Variants in TRPM3 observed in about 807,000 individuals in gnomAD.
TRPM3 encodes the protein long transient receptor potential channel 3.
TRPM3 carries 77 observed loss-of-function variants against 181.2 expected under a neutral mutation model. The observed-to-expected ratio is 0.42, with a 90% confidence interval of 0.35 to 0.51. The LOEUF (loss-of-function observed/expected upper bound fraction) is 0.51, where lower values mean the gene tolerates loss of function less well. TRPM3 is among the 20% of genes least tolerant of loss of function. TRPM3 has a pLI of 0.01. For missense variants in TRPM3, 1,759 were observed against 2,196.7 expected, an observed-to-expected ratio of 0.80 and a Z score of 3.98; for synonymous variants, 745 against 796.4, an observed-to-expected ratio of 0.94 and a Z score of 1.09.
intron 1 of TRPM3, among the ~76,000 whole-genome samples, chr9:70,961,059 G>A (rs1373259680): frequency 6.6e-6 from 1 of 152,196 alleles, no homozygotes; most frequent in African/African-American, 2.4e-5. Flanking sequence ...CAGCTGTGAT[G>A]AAGTTAATTA....
At chr9:71,359,840 T>C (rs2092068390) in intron 1 of TRPM3, among the ~76,000 whole-genome samples, 1 of 152,154 alleles carries the variant, frequency 6.6e-6, no homozygotes, top group Non-Finnish European at 1.5e-5. Context: ...AAAATGCGAA[T>C]AATGAGAGTA....
intron 6 of TRPM3, among the ~76,000 whole-genome samples, chr9:70,798,560 G>A (rs546389550): frequency 6.6e-6 from 1 of 152,268 alleles, no homozygotes; most frequent in South Asian, 2.1e-4. Flanking sequence ...CCACTTAACT[G>A]TAAGTAAGCT....
chr9:71,179,354 A>T (rs2077272011), intron 1 of TRPM3, among the ~76,000 whole-genome samples: 1 of 152,148 alleles, frequency 6.6e-6, no homozygotes, highest in Non-Finnish European at 1.5e-5. Context: ...TGAACAGTCA[A>T]CAAGCAGTCA....
At position 70,598,511 on chromosome 9, in the gene TRPM3, A is replaced by G; in HGVS notation, c.2956T>C (p.Cys986Arg). The change falls in exon 21 of 26, where the codon TGC (cysteine) becomes CGC (arginine). Residue 986 changes from cysteine to arginine, a missense_variant. Physicochemically the swap from Cys to Arg is radical, Grantham distance 180. Coordinates refer to ENST00000677713, the MANE Select transcript of TRPM3 (RefSeq NM_001366145.2). ...PFRSDGRVIY[C>R]VNIIYWYIRL... Reference sequence around the variant, plus strand: ...ATATACCAGTAAATGATGTTCACGCAGTAGATGACCCTCCCGTCACTCCTG... The same window carrying G: ...ATATACCAGTAAATGATGTTCACGCGGTAGATGACCCTCCCGTCACTCCTG... The G allele has an allele frequency of 6.2e-7, 1 of 1,614,234 alleles. No homozygotes were observed. Among genetic ancestry groups the G allele is most frequent in the Non-Finnish European group, 8.5e-7 (1 of 1,180,044 alleles).
At chr9:71,197,902 T>C (rs1172528632) in intron 1 of TRPM3, among the ~76,000 whole-genome samples, 1 of 150,452 alleles carries the variant, frequency 6.6e-6, no homozygotes, top group African/African-American at 2.4e-5. Flanking sequence ...AATTTTGGCT[T>C]TTGTTGCCAT....
intron 8 of TRPM3, among the ~76,000 whole-genome samples, chr9:70,756,069 A>G (rs1371478631): frequency 1.3e-5 from 2 of 152,166 alleles, no homozygotes; most frequent in African/African-American, 4.8e-5. Context: ...CCTATCTCAC[A>G]TGCAAAGACA....
intron 1 of TRPM3, among the ~76,000 whole-genome samples, chr9:70,944,029 C>A (rs780635208): frequency 1.3e-4 from 20 of 152,188 alleles, no homozygotes; most frequent in Admixed American, 3.3e-4. Context: ...GTCCGCCCCC[C>A]ACCTTGGCCT....
At chr9:71,036,323 G>T (rs772805972) in intron 1 of TRPM3, among the ~76,000 whole-genome samples, 1 of 152,168 alleles carries the variant, frequency 6.6e-6, no homozygotes. Flanking sequence ...TAGGATGCAT[G>T]CAGCATGAAC....
intron 1 of TRPM3, among the ~76,000 whole-genome samples, chr9:70,894,542 A>G (rs1589599747): frequency 6.6e-6 from 1 of 152,302 alleles, no homozygotes; most frequent in East Asian, 1.9e-4. Flanking sequence ...AGCACCTACC[A>G]TGTACCAGGC....
chr9:70,842,829 G>T, intron 5 of TRPM3, 174 bp downstream of exon 5: 1 of 643,022 alleles, frequency 1.6e-6, no homozygotes, highest in Non-Finnish European at 2.4e-6. Flanking sequence ...AGTTTGCCTA[G>T]AGATTTTAGA....
Position 71,437,605 on chromosome 9 carries a change from T to C in TRPM3, c.183+9048A>G, listed in dbSNP as rs190609606. The stretch of plus-strand genomic sequence containing the variant: ...TAAAACACCAGCCGGGCGTGGGGGC[T>C]CATGCCTGTCCTAGCAGTTTGGGAG... On this transcript the variant is annotated intron_variant, in intron 1 of 24. Transcript: ENST00000357533. Among the ~76,000 whole-genome samples the C allele has an allele frequency of 7.3e-4, 111 of 152,164 alleles. 1 individual carries two copies. The highest frequency in any genetic ancestry group is 2.5e-3 in the African/African-American group (104 of 41,510).
intron 1 of TRPM3, among the ~76,000 whole-genome samples, chr9:71,313,271 C>T (rs764134610): frequency 1.3e-5 from 2 of 152,088 alleles, no homozygotes; most frequent in South Asian, 4.1e-4. Flanking sequence ...TAAGTACTAT[C>T]TTTATGTTCT....
intron 12 of TRPM3, among the ~76,000 whole-genome samples, chr9:70,632,616 T>C (rs2066074468): frequency 6.6e-6 from 1 of 152,234 alleles, no homozygotes; most frequent in Admixed American, 6.5e-5. Flanking sequence ...AGTACTATTC[T>C]TGGTCATTTG....
chr9:71,101,762 T>A (rs2079970533), intron 1 of TRPM3, among the ~76,000 whole-genome samples: 1 of 152,198 alleles, frequency 6.6e-6, no homozygotes, highest in Admixed American at 6.5e-5. Flanking sequence ...AAAGAGTAGA[T>A]ATGTCCTCTT....
At chr9:70,602,555 CAGCACTACCTCCTA>C (rs1481426294) in intron 20 of TRPM3, among the ~76,000 whole-genome samples, 1 of 152,190 alleles carries the variant, frequency 6.6e-6, no homozygotes, top group African/African-American at 2.4e-5. Flanking sequence ...GCAGAGAAAT[CAGCACTACCTCCTA>C]AGCCTGCCTT....
At chr9:70,943,365 A>C (rs2096903694) in intron 1 of TRPM3, among the ~76,000 whole-genome samples, 2 of 152,356 alleles carry the variant, frequency 1.3e-5, no homozygotes, top group African/African-American at 2.4e-5. Context: ...GCATTTACCC[A>C]TGACATACAA....
At chr9:70,601,189 G>A (rs1445291274) in intron 20 of TRPM3, among the ~76,000 whole-genome samples, 1 of 152,172 alleles carries the variant, frequency 6.6e-6, no homozygotes, top group African/African-American at 2.4e-5. Flanking sequence ...CGTCATCATA[G>A]TCACGCCATC....
intron 1 of TRPM3, among the ~76,000 whole-genome samples, chr9:70,970,580 T>A (rs2097233146): frequency 6.6e-6 from 1 of 152,220 alleles, no homozygotes; most frequent in Non-Finnish European, 1.5e-5. Flanking sequence ...GGTTTCTTTT[T>A]CTTTCTGGAG....
intron 1 of TRPM3, among the ~76,000 whole-genome samples, chr9:71,327,098 G>A (rs928093408): frequency 1.3e-5 from 2 of 152,330 alleles, no homozygotes; most frequent in East Asian, 3.9e-4. Flanking sequence ...AGATTAGTTG[G>A]TAGGATCTGC....
Sources: gnomAD v4.1 joint callset for allele counts (sites outside exome capture counted in the v4.1 genomes callset) on GRCh38, gnomAD v4.1.1 for gene constraint, MANE v1.5 for transcripts, NCBI Gene and HGNC (gene_info 2026-07-23, HGNC 2026-07-21) for gene names.